CDCA2: variants seen among roughly 807,000 people sequenced by gnomAD.
CDCA2 encodes the protein cell division cycle-associated protein 2.
A neutral mutation model predicts 67.0 loss-of-function variants in CDCA2; 44 were observed. That is an observed-to-expected ratio of 0.66 (90% CI 0.52 to 0.84). The LOEUF is 0.84. Ranked by LOEUF, CDCA2 falls within the 40% of genes least tolerant of loss-of-function variation. The pLI, the probability that CDCA2 is intolerant of heterozygous loss-of-function variation, is 0.00. For missense variants in CDCA2, 1,253 were observed against 1,203.2 expected, an observed-to-expected ratio of 1.04 and a Z score of -0.61; for synonymous variants, 447 against 418.7, an observed-to-expected ratio of 1.07 and a Z score of -0.82.
chr8:25,468,554 T>TGTGTGTGTGTGC lies in CDCA2; in HGVS notation c.735+144_735+145insTGTGTGTGCGTG, dbSNP rs140233192. On this transcript the variant is annotated intron_variant, in intron 6 of 14. Coordinates refer to ENST00000330560, the MANE Select transcript of CDCA2 (RefSeq NM_152562.4). ...TGGGGTGTGTGTGTGTGTGTGTGTG[T>TGTGTGTGTGTGC]GTGCGTGTGTGTGTGTGTGTTTCCT... is the stretch of plus-strand genomic sequence containing the variant. 6.1e-4 allele frequency: 304 copies of TGTGTGTGTGTGC among 495,294 alleles called. 1 individual carries two copies. Among genetic ancestry groups the TGTGTGTGTGTGC allele is most frequent in the East Asian group, 5.8e-3 (175 of 29,952 alleles). 30.7% of individuals were successfully genotyped at this position (495,294 alleles called of 1,614,324 possible). A position where few individuals can be genotyped will look rare whatever the true frequency, so the allele number is the denominator to read the frequency against.
intron 7 of CDCA2, among the ~76,000 whole-genome samples, chr8:25,477,974 T>G (rs901671026): frequency 1.3e-5 from 2 of 151,388 alleles, no homozygotes; most frequent in Non-Finnish European, 2.9e-5. Context: ...TCACCCAGGC[T>G]GGAGTGCAGT....
chr8:25,465,554 A>G (rs1802865598), intron 4 of CDCA2, among the ~76,000 whole-genome samples: 1 of 147,122 alleles, frequency 6.8e-6, no homozygotes, highest in Admixed American at 6.7e-5. Flanking sequence ...GTTTCCAGAG[A>G]GCTTCTGTGC....
chr8:25,470,889 G>A (rs1484902162), intron 7 of CDCA2, among the ~76,000 whole-genome samples: 1 of 151,886 alleles, frequency 6.6e-6, no homozygotes, highest in Admixed American at 6.6e-5. Context: ...AGCCTCCTGA[G>A]TAGCTGGGAT....
intron 7 of CDCA2, among the ~76,000 whole-genome samples, chr8:25,472,897 A>T (rs982172943): frequency 2.6e-5 from 4 of 152,118 alleles, no homozygotes; most frequent in African/African-American, 9.7e-5. Flanking sequence ...TTATTTTGAA[A>T]TATGTAATAC....
intron 7 of CDCA2, among the ~76,000 whole-genome samples, chr8:25,477,546 T>A (rs1803398959): frequency 6.6e-6 from 1 of 152,210 alleles, no homozygotes; most frequent in African/African-American, 2.4e-5. Flanking sequence ...GACTGGTAAG[T>A]AGAATGCAAA....
At position 25,489,939 on chromosome 8, in the gene CDCA2, A is replaced by G. The variant is rs150629979; in HGVS notation, c.1671+1250A>G. Among the ~76,000 whole-genome samples the G allele has an allele frequency of 9.8e-5, 15 of 152,322 alleles. No homozygotes were observed. In the East Asian group the frequency reaches 2.9e-3, roughly 29 times the overall value. On this transcript the variant is annotated intron_variant, in intron 13 of 14. Coordinates refer to ENST00000330560, the MANE Select transcript of CDCA2 (RefSeq NM_152562.4). ...TGTCAAAATCAGCATTTCTAAAACTAAACTTATCAACCTATACACCCACCC... is the reference window on the plus strand; with the variant it reads ...TGTCAAAATCAGCATTTCTAAAACTGAACTTATCAACCTATACACCCACCC...
chr8:25,478,164 A>G (rs1403540835), intron 7 of CDCA2, among the ~76,000 whole-genome samples: 1 of 151,938 alleles, frequency 6.6e-6, no homozygotes, highest in East Asian at 1.9e-4. Flanking sequence ...GGCTCAAGCA[A>G]TCCTTCCATT....
chr8:25,476,787 C>T (rs1803368526), intron 7 of CDCA2, among the ~76,000 whole-genome samples: 1 of 152,050 alleles, frequency 6.6e-6, no homozygotes, highest in African/African-American at 2.4e-5. Flanking sequence ...CTCCTAACCT[C>T]TGGTGATCTG....
chr8:25,461,574 G>A (rs1285179550), intron 3 of CDCA2, among the ~76,000 whole-genome samples: 1 of 152,150 alleles, frequency 6.6e-6, no homozygotes, highest in Non-Finnish European at 1.5e-5. Flanking sequence ...GTGTGCTTAG[G>A]CATATGTCCA....
Position 25,507,019 on chromosome 8 carries a change from A to G in CDCA2, c.2353A>G (p.Asn785Asp), listed in dbSNP as rs1318484981. ...ACTGCAATGCAATCGTTTAATGCCT[A>G]ATTCACAAAAAGACTGTCATTGTTT... Reference protein sequence around the residue: ...GKLQCNRLMPNSQKDCHCLGD... With the variant: ...GKLQCNRLMPDSQKDCHCLGD... Residue 785 changes from asparagine to aspartate, a missense_variant, in exon 15 of 15, where the codon AAT (asparagine) becomes GAT (aspartate). Physicochemically the swap from Asn to Asp is conservative, Grantham distance 23 (BLOSUM62 1). Coordinates refer to ENST00000330560, the MANE Select transcript of CDCA2 (RefSeq NM_152562.4). 1.9e-6 allele frequency: 3 copies of G among 1,614,130 alleles called. No homozygotes were observed. The South Asian group carries it at 3.3e-5, about 18-fold the overall frequency.
Position 25,466,253 on chromosome 8 carries a change from A to G in CDCA2, c.466A>G (p.Lys156Glu), listed in dbSNP as rs779475660. ...CTTCCAGTCAGCTTTTCACTCCATA[A>G]AGGAAAACGAGAAAATGACCGGCTG... ...SAFQSAFHSI[K>E]ENEKMTGCLE... The change falls in exon 5 of 15, where the codon AAG becomes GAG. Residue 156 changes from lysine to glutamate, a missense_variant. Coordinates refer to ENST00000330560, the MANE Select transcript of CDCA2 (RefSeq NM_152562.4). The G allele has an allele frequency of 4.3e-6, 7 of 1,611,180 alleles. No individual in the cohort carries two copies. The Admixed American group carries it at 1.2e-4, about 27-fold the overall frequency.
rs142202004 is a variant in CDCA2, at chr8:25,462,124, A to G, written c.303A>G (p.Thr101=). Residue 101 remains threonine, a synonymous_variant, in exon 4 of 15, where the codon ACA becomes ACG. Coordinates refer to ENST00000330560, the MANE Select transcript of CDCA2 (RefSeq NM_152562.4). The part of the protein sequence containing the change: ...SAVGARGSPE[T]NHLIRFIARQ... Reference sequence around the variant, plus strand: ...TCGGTGCTCGGGGCTCTCCTGAAACAAACCATCTGATTCGTTTCATTGCTC... The same window carrying G: ...TCGGTGCTCGGGGCTCTCCTGAAACGAACCATCTGATTCGTTTCATTGCTC... 22 of 1,614,164 alleles carry G rather than the reference A, an allele frequency of 1.4e-5. No homozygotes were observed. The highest frequency in any genetic ancestry group is 1.8e-5 in the Non-Finnish European group (21 of 1,179,964).
intron 14 of CDCA2, among the ~76,000 whole-genome samples, chr8:25,505,856 C>G (rs932134343): frequency 6.6e-6 from 1 of 152,132 alleles, no homozygotes; most frequent in African/African-American, 2.4e-5. Flanking sequence ...GTTTTTCCAC[C>G]TCTGATGTGC....
At position 25,483,384 on chromosome 8, in the gene CDCA2, GTTTA is replaced by G. The variant is rs1563271877; in HGVS notation, c.1033-12_1033-9del. On this transcript the variant is annotated splice_polypyrimidine_tract_variant and intron_variant, in intron 8 of 14. Transcript: ENST00000330560. ...TCTATATGTAAAATTATTCATTAAT[GTTTA>G]TTCTGTTTAGGAACACTGTAACAAC... 6.6e-7 allele frequency: 1 copy of G among 1,520,808 alleles called. No homozygotes were observed. The highest frequency in any genetic ancestry group is 2.4e-5 in the East Asian group (1 of 42,234). 94.2% of individuals were successfully genotyped at this position (1,520,808 alleles called of 1,614,324 possible).
intron 13 of CDCA2, among the ~76,000 whole-genome samples, chr8:25,495,505 C>T (rs889800071): frequency 1.3e-5 from 2 of 152,086 alleles, no homozygotes; most frequent in Non-Finnish European, 2.9e-5. Flanking sequence ...AGCTCCGCCT[C>T]CCGGGTTCAT....
chr8:25,494,464 T>G (rs886832251), intron 13 of CDCA2, among the ~76,000 whole-genome samples: 2 of 152,210 alleles, frequency 1.3e-5, no homozygotes, highest in South Asian at 4.1e-4. Flanking sequence ...TATGCTGTAT[T>G]TTTACAGTAT....
At chr8:25,461,950 T>C (rs1411203188) in intron 3 of CDCA2, 104 bp from the exon 4 acceptor site, 2 of 1,128,458 alleles carry the variant, frequency 1.8e-6, no homozygotes, top group Non-Finnish European at 2.6e-6. Flanking sequence ...TTGTAGCACA[T>C]GTTTATCATG....
rs900842334 is a variant in CDCA2, at chr8:25,475,217, G to T, written c.821-4696G>T. ...TTTTCAGGTTAGAGACGCTTGACTA[G>T]TAAGTAGAATGCAAATATTTGGGCT... On this transcript the variant is annotated intron_variant, in intron 7 of 14. Coordinates refer to ENST00000330560, the MANE Select transcript of CDCA2 (RefSeq NM_152562.4). Among the ~76,000 whole-genome samples the T allele has an allele frequency of 1.8e-4, 28 of 152,306 alleles. No individual in the cohort carries two copies. In the East Asian group the frequency reaches 5.4e-3, roughly 29 times the overall value.
At chr8:25,495,958 A>C (rs565559504) in intron 13 of CDCA2, among the ~76,000 whole-genome samples, 118 of 152,328 alleles carry the variant, frequency 7.7e-4, no homozygotes, top group African/African-American at 2.5e-3. Flanking sequence ...TTTTCCATTT[A>C]AAAGAATTGT....
Sources: allele counts gnomAD v4.1 joint callset (sites outside exome capture counted in the v4.1 genomes callset), GRCh38; gene constraint gnomAD v4.1.1; transcripts MANE v1.5; gene names NCBI Gene and HGNC (gene_info 2026-07-23, HGNC 2026-07-21).